The following TLE2 variants were observed in gnomAD, a reference collection of about 807,000 sequenced individuals.
TLE2 encodes TLE family member 2, transcriptional corepressor.
TLE2 carries 74 observed loss-of-function variants against 97.2 expected under a neutral mutation model. That is an observed-to-expected ratio of 0.76 (90% CI 0.63 to 0.92). TLE2 has a LOEUF of 0.92. TLE2 is among the 40% of genes least tolerant of loss of function. TLE2 has a pLI of 0.00. For missense variants in TLE2, 1,038 were observed against 1,008.7 expected, an observed-to-expected ratio of 1.03 and a Z score of -0.39; for synonymous variants, 499 against 432.1, an observed-to-expected ratio of 1.15 and a Z score of -1.92.
At chr19:3,000,775 C>A in intron 18 of TLE2, 52 bp from the exon 19 acceptor site, 8 of 1,443,818 alleles carry the variant, frequency 5.5e-6, no homozygotes, top group Non-Finnish European at 7.6e-6. Flanking sequence ...ACGAGAGACC[C>A]GGGCTGCAGG....
intron 12 of TLE2, 63 bp downstream of exon 12, chr19:3,010,959 T>C: frequency 1.3e-6 from 2 of 1,540,450 alleles, no homozygotes; most frequent in Non-Finnish European, 1.7e-6. Context: ...TCCAGCCCCT[T>C]TTCCTAGATC....
At chr19:3,031,282 A>G (rs1468455546), upstream of TLE2, among the ~76,000 whole-genome samples, 1 of 151,670 alleles carries the variant, frequency 6.6e-6, no homozygotes, top group African/African-American at 2.4e-5. Context: ...GACCTGAACG[A>G]TGAGGTTGGG....
chr19:3,025,751 A>T (rs1271948587), intron 4 of TLE2: 1 of 311,026 alleles, frequency 3.2e-6, no homozygotes, highest in Non-Finnish European at 4.7e-6. Flanking sequence ...TGTCTGGCGA[A>T]GTCTGTGTCT....
At chr19:3,015,488 A>G (rs373247524) in intron 9 of TLE2, among the ~76,000 whole-genome samples, 165 bp downstream of exon 9, 10 of 152,378 alleles carry the variant, frequency 6.6e-5, no homozygotes, top group African/African-American at 2.4e-4. Flanking sequence ...TAAGCCTTGC[A>G]TTACAGGATC....
In TLE2 at chr19:3,009,163, C is replaced by G. The variant is rs562286172; in HGVS notation, c.1174-218G>C. Among the ~76,000 whole-genome samples, 30 of 152,294 alleles carry G rather than the reference C, an allele frequency of 2.0e-4. 1 individual carries two copies. In the South Asian group the frequency reaches 6.2e-3, roughly 32 times the overall value. Reference sequence around the variant, plus strand: ...CTATCCAGGAAATCCTAGAACTCCACGGTTCCAAGGATCCTGAAGGGTTCT... The same window carrying G: ...CTATCCAGGAAATCCTAGAACTCCAGGGTTCCAAGGATCCTGAAGGGTTCT... On this transcript the variant is annotated intron_variant, in intron 13 of 19. Transcript: ENST00000262953.
At chr19:3,032,362 C>T (rs1348511629), upstream of TLE2, among the ~76,000 whole-genome samples, 3 of 152,056 alleles carry the variant, frequency 2.0e-5, no homozygotes, top group African/African-American at 4.8e-5. This position sits in a 1 kb window ranked among gnomAD's most constrained non-coding sequence, Gnocchi z 4.1. Context: ...CTCAGCCTCC[C>T]GAATAGCTGG....
At chr19:3,036,733 G>A (rs1192691813) in intron 1 of TLE2, among the ~76,000 whole-genome samples, 2 of 142,786 alleles carry the variant, frequency 1.4e-5, no homozygotes, top group East Asian at 2.1e-4. Flanking sequence ...TGAGATTGCT[G>A]GACAAAACTT....
At chr19:2,998,983 T>C (rs2089289346) in intron 19 of TLE2, among the ~76,000 whole-genome samples, 1 of 152,168 alleles carries the variant, frequency 6.6e-6, no homozygotes, top group African/African-American at 2.4e-5. Flanking sequence ...TATTCTGGGA[T>C]TTTTTTCTTA....
upstream of TLE2, among the ~76,000 whole-genome samples, chr19:3,046,428 G>A (rs1362251617): frequency 6.6e-6 from 1 of 151,780 alleles, no homozygotes; most frequent in Non-Finnish European, 1.5e-5. Context: ...ACCCCTCCCC[G>A]CCCCCAACCG....
In TLE2 at chr19:3,026,263, A is replaced by G. The variant is rs535073000; in HGVS notation, c.232-1181T>C. 3.3e-5 allele frequency among the ~76,000 whole-genome samples: 5 copies of G among 152,104 alleles called. No homozygotes were observed. The South Asian group carries it at 6.2e-4, about 19-fold the overall frequency. ...GGAGTTCAAGACCAGCCTGGCCAAC[A>G]TGGAGAAACCCCGTCTCTACTAAAA... On this transcript the variant is annotated intron_variant, in intron 4 of 19. Transcript: ENST00000262953.
upstream of TLE2, chr19:3,045,802 G>A (rs1029659270): frequency 1.2e-5 from 5 of 414,060 alleles, no homozygotes; most frequent in Admixed American, 1.3e-4. Flanking sequence ...ACTTCAGCCT[G>A]GGCAACAAGA....
chr19:3,036,351 G>GCCGCC (rs2090062494), intron 1 of TLE2, among the ~76,000 whole-genome samples: 1 of 152,062 alleles, frequency 6.6e-6, no homozygotes, highest in African/African-American at 2.4e-5. Flanking sequence ...TCTCCCGCCC[G>GCCGCC]TCGCCTCCCT....
At chr19:3,043,235 C>T (rs1782025943) in intron 1 of TLE2, among the ~76,000 whole-genome samples, 1 of 152,096 alleles carries the variant, frequency 6.6e-6, no homozygotes, top group Non-Finnish European at 1.5e-5. Flanking sequence ...CCCGCCTCAG[C>T]CTCCCAAGTA....
chr19:3,012,810 C>T (rs1167032824), intron 11 of TLE2, among the ~76,000 whole-genome samples: 3 of 152,164 alleles, frequency 2.0e-5, no homozygotes, highest in East Asian at 1.9e-4. Context: ...CCTTGTCTTG[C>T]GTCTGTCTCG....
At chr19:3,045,379 G>A (rs926768584) in intron 1 of TLE2, among the ~76,000 whole-genome samples, 2 of 152,156 alleles carry the variant, frequency 1.3e-5, no homozygotes, top group African/African-American at 4.8e-5. Flanking sequence ...CAGTGACTAC[G>A]GGGCAGGGGT....
upstream of TLE2, among the ~76,000 whole-genome samples, chr19:3,030,752 C>T (rs1164887005): frequency 6.6e-6 from 1 of 151,670 alleles, no homozygotes; most frequent in Non-Finnish European, 1.5e-5. Flanking sequence ...CGCGACAATA[C>T]AAAAAAACAT....
intron 7 of TLE2, 78 bp from the exon 8 acceptor site, chr19:3,017,937 G>A: frequency 2.1e-6 from 3 of 1,416,102 alleles, no homozygotes; most frequent in Non-Finnish European, 2.9e-6. Flanking sequence ...AGAGGGTACA[G>A]CCCTCCAGTT....
intron 17 of TLE2, among the ~76,000 whole-genome samples, chr19:3,004,939 C>CA (rs1387706668): frequency 1.3e-5 from 2 of 152,182 alleles, no homozygotes; most frequent in Non-Finnish European, 2.9e-5. Context: ...GAGGAGCCCC[C>CA]AGCTCTGTCC....
intron 5 of TLE2, among the ~76,000 whole-genome samples, chr19:3,022,569 T>G (rs1443576081): frequency 6.6e-6 from 1 of 151,978 alleles, no homozygotes; most frequent in Non-Finnish European, 1.5e-5. Context: ...AATAATAGAT[T>G]TAAATATTAT....
Sources: allele counts gnomAD v4.1 joint callset (sites outside exome capture counted in the v4.1 genomes callset), GRCh38; gene constraint gnomAD v4.1.1; non-coding constraint Gnocchi (gnomAD v3.1); transcripts MANE v1.5; gene names NCBI Gene and HGNC (gene_info 2026-07-23, HGNC 2026-07-21).